NAV2: variants seen among roughly 807,000 people sequenced by gnomAD.
The protein encoded by NAV2 is neuron navigator 2.
A neutral mutation model predicts 223.2 loss-of-function variants in NAV2; 54 were observed. The ratio of observed to expected loss-of-function variants is 0.24; its 90% CI spans 0.19 to 0.30. NAV2 has a LOEUF of 0.30. Among genes scored for constraint, NAV2 ranks in the 10% least tolerant of loss-of-function variants. The pLI is 1.00. For missense variants in NAV2, 2,806 were observed against 3,147.5 expected (o/e 0.89, Z 2.60); for synonymous variants, 1,279 against 1,239.3 (o/e 1.03, Z -0.67).
intron 1 of NAV2, chr11:19,714,591 T>G: frequency 5.3e-6 from 2 of 378,684 alleles, no homozygotes; most frequent in Non-Finnish European, 1.1e-5. Flanking sequence ...CCTAGCGCCT[T>G]GGCTGGCTGT....
At chr11:19,932,257 A>AAAAAAAAAAAAAAAAAAAAAAAAAAAAAG (rs1555153008) in intron 6 of NAV2, among the ~76,000 whole-genome samples, 1 of 100,050 alleles carries the variant, frequency 1.0e-5, no homozygotes, top group Non-Finnish European at 2.0e-5. Flanking sequence ...AAAAAAAAAA[A>AAAAAAAAAAAAAAAAAAAAAAAAAAAAAG]AAAGAAAGAA....
intron 1 of NAV2, among the ~76,000 whole-genome samples, chr11:19,356,272 T>C (rs930750691): frequency 6.6e-6 from 1 of 152,108 alleles, no homozygotes; most frequent in Non-Finnish European, 1.5e-5. Flanking sequence ...AGGTATAGGG[T>C]CAGGGGGGAG....
Position 20,037,198 on chromosome 11 carries a change from T to C in NAV2, c.2907+1101T>C, listed in dbSNP as rs554048623. On this transcript the variant is annotated intron_variant, in intron 12 of 37. Transcript: ENST00000349880. ...TTGGCGAACCCTTGGAGAAATCTGT[T>C]TGGGACAAAGTCTCTCAGAGCAACC... is the stretch of plus-strand genomic sequence containing the variant. Among the ~76,000 whole-genome samples, 9 of 152,178 alleles carry C rather than the reference T, an allele frequency of 5.9e-5. No individual in the cohort carries two copies. In the South Asian group the frequency reaches 1.7e-3, roughly 28 times the overall value.
chr11:19,934,218 T>A lies in NAV2; in HGVS notation c.1974T>A (p.Pro658=). The A allele has an allele frequency of 6.2e-7, 1 of 1,612,466 alleles. No individual in the cohort carries two copies. The highest frequency in any genetic ancestry group is 1.1e-5 in the South Asian group (1 of 90,894). The part of the protein sequence containing the change: ...TGSNTVSVQL[P]QPQQQYNHPN... The stretch of plus-strand genomic sequence containing the variant: ...GCAATACCGTCAGTGTTCAGCTACC[T>A]CAGCCCCAGCAGCAATACAACCATC... Residue 658 remains proline, a synonymous_variant, in exon 7 of 38, where the codon CCT becomes CCA. Transcript: ENST00000349880.
intron 1 of NAV2, among the ~76,000 whole-genome samples, chr11:19,579,997 C>T (rs1014120448): frequency 1.3e-5 from 2 of 152,190 alleles, no homozygotes; most frequent in African/African-American, 4.8e-5. Context: ...TAGATAAAAC[C>T]TCCAATTGGA....
intron 1 of NAV2, among the ~76,000 whole-genome samples, chr11:19,803,721 C>A (rs1249441660): frequency 6.6e-6 from 1 of 152,250 alleles, no homozygotes; most frequent in African/African-American, 2.4e-5. Flanking sequence ...ATGTATAGTC[C>A]AGGGAAGCCC....
chr11:20,093,020 C>A, intron 28 of NAV2, 79 bp from the exon 29 acceptor site: 1 of 662,746 alleles, frequency 1.5e-6, no homozygotes, highest in South Asian at 1.5e-5. Context: ...CGCTGCTGTG[C>A]CAACCTGCAG....
intron 1 of NAV2, among the ~76,000 whole-genome samples, chr11:19,724,355 G>C (rs992997674): frequency 1.3e-5 from 2 of 152,152 alleles, no homozygotes; most frequent in African/African-American, 4.8e-5. Context: ...TAGTTAAAAT[G>C]AGTATCTTTT....
Position 19,914,540 on chromosome 11 carries a change from C to CTT in NAV2, c.932-18622_932-18621dup, listed in dbSNP as rs10707433. 1.6e-3 allele frequency among the ~76,000 whole-genome samples: 220 copies of CTT among 141,654 alleles called. 3 individuals carry two copies. In the East Asian group the frequency reaches 0.024, roughly 15 times the overall value. 92.9% of individuals were successfully genotyped at this position (141,654 alleles called of 152,430 possible). A position where few individuals can be genotyped will look rare whatever the true frequency, so the allele number is the denominator to read the frequency against. On this transcript the variant is annotated intron_variant, in intron 6 of 37. Coordinates refer to ENST00000349880, the MANE Select transcript of NAV2 (RefSeq NM_145117.5). ...AAAATTTAATATTGTTGTTCCTGTT[C>CTT]TTTTTTTTTTTTTTTGAGACGGAGT...
intron 1 of NAV2, among the ~76,000 whole-genome samples, chr11:19,559,209 T>G (rs2045011407): frequency 6.6e-6 from 1 of 152,224 alleles, no homozygotes; most frequent in Admixed American, 6.5e-5. Flanking sequence ...GGAAGCCACC[T>G]TCACAGCTGA....
Position 19,499,304 on chromosome 11 carries a change from G to T in NAV2, c.75+148277G>T, listed in dbSNP as rs2042891570. Among the ~76,000 whole-genome samples, 3 of 152,342 alleles carry T rather than the reference G, an allele frequency of 2.0e-5. No individual in the cohort carries two copies. The South Asian group carries it at 6.2e-4, about 32-fold the overall frequency. On this transcript the variant is annotated intron_variant, in intron 1 of 37. Coordinates refer to the NAV2 transcript ENST00000360655. ...GGGGTTACAGTAATGATGATAAATT[G>T]TTCCTGCTAGAGGGTTGTTGTTGTT...
chr11:19,429,163 C>T (rs1393260512), intron 1 of NAV2, among the ~76,000 whole-genome samples: 1 of 152,204 alleles, frequency 6.6e-6, no homozygotes, highest in Non-Finnish European at 1.5e-5. Context: ...ATTGGGAGCT[C>T]AGTGAGTCCA....
chr11:19,392,954 G>A (rs1849306338), intron 1 of NAV2, among the ~76,000 whole-genome samples: 3 of 152,284 alleles, frequency 2.0e-5, no homozygotes, highest in Middle Eastern at 6.8e-3. Context: ...GCCAGAGCAG[G>A]GATTTGAACT....
intron 4 of NAV2, among the ~76,000 whole-genome samples, chr11:19,878,247 A>G (rs777202650): frequency 1.3e-5 from 2 of 152,234 alleles, no homozygotes; most frequent in African/African-American, 2.4e-5. Context: ...AAAGGTCACC[A>G]TAGTAAAAAC....
At chr11:19,969,495 A>G (rs991844536) in intron 10 of NAV2, among the ~76,000 whole-genome samples, 31 of 152,142 alleles carry the variant, frequency 2.0e-4, no homozygotes, top group African/African-American at 7.2e-4. Flanking sequence ...TACATACACT[A>G]TTCCTCCCTT....
chr11:19,676,338 T>C (rs971734569), intron 1 of NAV2, among the ~76,000 whole-genome samples: 4 of 152,200 alleles, frequency 2.6e-5, no homozygotes, highest in African/African-American at 4.8e-5. Context: ...AGAGTCTTAG[T>C]TCCTCTGTGC....
At chr11:19,417,987 G>C (rs879933333) in intron 1 of NAV2, among the ~76,000 whole-genome samples, 1 of 152,114 alleles carries the variant, frequency 6.6e-6, no homozygotes, top group Non-Finnish European at 1.5e-5. Context: ...GCGTCTAGGG[G>C]AGGGATAGCA....
intron 1 of NAV2, among the ~76,000 whole-genome samples, chr11:19,616,618 A>G (rs1009654804): frequency 3.3e-5 from 5 of 151,918 alleles, no homozygotes; most frequent in African/African-American, 1.2e-4. Flanking sequence ...GGGTTGCTCC[A>G]CGTGCCCTGA....
chr11:19,553,476 C>T (rs893953654), intron 1 of NAV2, among the ~76,000 whole-genome samples: 1 of 151,708 alleles, frequency 6.6e-6, no homozygotes, highest in Non-Finnish European at 1.5e-5. Context: ...GCCTCAGAGC[C>T]TTCATCTGAG....
Sources: allele counts gnomAD v4.1 joint callset (sites outside exome capture counted in the v4.1 genomes callset), GRCh38; gene constraint gnomAD v4.1.1; transcripts MANE v1.5; gene names NCBI Gene and HGNC (gene_info 2026-07-23, HGNC 2026-07-21).